Variants in TRIM24 observed in about 807,000 individuals in gnomAD.
TRIM24 encodes tripartite motif containing 24.
TRIM24 carries 29 observed loss-of-function variants against 123.9 expected under a neutral mutation model. The observed-to-expected ratio is 0.23, with a 90% CI of 0.17 to 0.32. The LOEUF is 0.32. Ranked by LOEUF, TRIM24 falls within the 10% of genes least tolerant of loss-of-function variation. The probability of loss-of-function intolerance (pLI) is 1.00; values close to 1 mark genes in which losing one functional copy is unlikely to be tolerated. For missense variants in TRIM24, 932 were observed against 1,295.3 expected, an observed-to-expected ratio of 0.72 and a Z score of 4.31; for synonymous variants, 456 against 461.1, an observed-to-expected ratio of 0.99 and a Z score of 0.14.
In TRIM24 at chr7:138,460,574, T is replaced by TGGCGGCGGC; in HGVS notation, c.30_38dup (p.Ala13_Ala15dup). 1.5e-6 allele frequency: 2 copies of TGGCGGCGGC among 1,314,010 alleles called. No individual in the cohort carries two copies. The highest frequency in any genetic ancestry group is 1.9e-6 in the Non-Finnish European group (2 of 1,042,098). The allele number at this position is 1,314,010 out of a possible 1,614,324, so 81.4% of individuals were successfully genotyped here. A position where few individuals can be genotyped will look rare whatever the true frequency, so the allele number is the denominator to read the frequency against. On this transcript the variant is annotated inframe_insertion, in exon 1 of 19. Transcript: ENST00000343526. ...ATGGAGGTGGCGGTGGAGAAGGCGG[T>TGGCGGCGGC]GGCGGCGGCGGCAGCGGCCTCGGCT... is the stretch of plus-strand genomic sequence containing the variant.
At chr7:138,509,226 A>G (rs113476204) in intron 2 of TRIM24, among the ~76,000 whole-genome samples, 3,221 of 151,696 alleles carry the variant, frequency 0.021, 95 homozygotes, top group African/African-American at 0.071. Flanking sequence ...TGGGATTACA[A>G]GTGTGAGCCA....
intron 9 of TRIM24, among the ~76,000 whole-genome samples, chr7:138,561,106 G>T (rs1328812944): frequency 6.6e-6 from 1 of 152,158 alleles, no homozygotes. Context: ...TTTGGAGTCA[G>T]TATAAACATT....
chr7:138,529,340 A>AT (rs1007156900), intron 6 of TRIM24, 110 bp downstream of exon 6: 644 of 569,232 alleles, frequency 1.1e-3, no homozygotes, highest in Non-Finnish European at 1.4e-3. Flanking sequence ...GTGATTTAAT[A>AT]TTTTTTTTTC....
chr7:138,541,252 C>A (rs1035887284), intron 7 of TRIM24, among the ~76,000 whole-genome samples: 4 of 151,884 alleles, frequency 2.6e-5, no homozygotes, highest in African/African-American at 9.7e-5. Flanking sequence ...AGTTCGAGAC[C>A]ACCCTGCGCC....
chr7:138,462,761 C>T (rs1795031333), intron 1 of TRIM24, among the ~76,000 whole-genome samples: 2 of 152,202 alleles, frequency 1.3e-5, no homozygotes, highest in East Asian at 1.9e-4. Context: ...TATTTGTTAG[C>T]TTGCAGGTTG....
chr7:138,545,067 G>T (rs756995666), intron 7 of TRIM24, among the ~76,000 whole-genome samples: 1 of 152,206 alleles, frequency 6.6e-6, no homozygotes, highest in African/African-American at 2.4e-5. Context: ...CAGGCTATGT[G>T]TGTTGAGTAT....
chr7:138,548,072 G>C (rs997917166), intron 7 of TRIM24, among the ~76,000 whole-genome samples: 1 of 152,270 alleles, frequency 6.6e-6, no homozygotes, highest in East Asian at 1.9e-4. Flanking sequence ...TTGAGATGGA[G>C]CAGGTTATAG....
chr7:138,536,298 T>G (rs1796872241), intron 6 of TRIM24, among the ~76,000 whole-genome samples: 1 of 152,224 alleles, frequency 6.6e-6, no homozygotes, highest in East Asian at 1.9e-4. Flanking sequence ...CGCTCTGATT[T>G]TTAGAATTTT....
At chr7:138,502,958 C>T (rs1357092851) in intron 1 of TRIM24, among the ~76,000 whole-genome samples, 1 of 152,024 alleles carries the variant, frequency 6.6e-6, no homozygotes, top group African/African-American at 2.4e-5. Context: ...CAAAGATATT[C>T]TCTTACATTT....
chr7:138,506,945 A>G (rs1796163762), intron 2 of TRIM24, among the ~76,000 whole-genome samples: 1 of 152,172 alleles, frequency 6.6e-6, no homozygotes, highest in Admixed American at 6.5e-5. Flanking sequence ...TACCACCCAG[A>G]GAGAACTTGA....
At chr7:138,531,167 CACA>C (rs1392206974) in intron 6 of TRIM24, among the ~76,000 whole-genome samples, 3 of 137,466 alleles carry the variant, frequency 2.2e-5, no homozygotes, top group African/African-American at 9.1e-5. Flanking sequence ...GGTACATGTG[CACA>C]ACGTGCACAT....
chr7:138,460,442 T>C lies in TRIM24; in HGVS notation c.-107T>C. 1.7e-6 allele frequency: 2 copies of C among 1,158,452 alleles called. No homozygotes were observed. Among genetic ancestry groups the C allele is most frequent in the Non-Finnish European group, 1.1e-6 (1 of 919,550 alleles). 71.8% of individuals were successfully genotyped at this position (1,158,452 alleles called of 1,614,324 possible). Reference sequence around the variant, plus strand: ...CCTCCCTCGCTGGCGCTGCCGCGAGTCCACCGAGCGGCCTCTGAGGAGCAG... The same window carrying C: ...CCTCCCTCGCTGGCGCTGCCGCGAGCCCACCGAGCGGCCTCTGAGGAGCAG... On this transcript the variant is annotated 5_prime_UTR_variant, in exon 1 of 19. Transcript: ENST00000343526.
intron 2 of TRIM24, among the ~76,000 whole-genome samples, chr7:138,508,700 C>CGCGG (rs1182276337): frequency 5.6e-5 from 2 of 35,510 alleles, no homozygotes; most frequent in African/African-American, 1.5e-4. Context: ...TGTGCGCGCG[C>CGCGG]GTGTGTGCGT....
At chr7:138,466,135 C>G (rs979807712) in intron 1 of TRIM24, among the ~76,000 whole-genome samples, 7 of 152,158 alleles carry the variant, frequency 4.6e-5, no homozygotes, top group African/African-American at 1.7e-4. Flanking sequence ...TCCCAAGCAG[C>G]TGGGATTACA....
At chr7:138,537,379 G>GTTTTTTGTT (rs1796906333) in intron 6 of TRIM24, among the ~76,000 whole-genome samples, 1 of 56,642 alleles carries the variant, frequency 1.8e-5, no homozygotes, top group Non-Finnish European at 3.1e-5. Context: ...ACCCCTGTTT[G>GTTTTTTGTT]TTTTTTTTTT....
intron 17 of TRIM24, among the ~76,000 whole-genome samples, chr7:138,583,597 G>GT (rs1797951627): frequency 6.6e-6 from 1 of 152,190 alleles, no homozygotes; most frequent in Non-Finnish European, 1.5e-5. Flanking sequence ...TCCAGCCTGG[G>GT]TGACAGAGCA....
intron 7 of TRIM24, among the ~76,000 whole-genome samples, chr7:138,546,846 T>C (rs1797111727): frequency 6.6e-6 from 1 of 152,226 alleles, no homozygotes; most frequent in Non-Finnish European, 1.5e-5. Context: ...GGTGAGAATG[T>C]AAATTAGTAC....
intron 2 of TRIM24, among the ~76,000 whole-genome samples, chr7:138,508,070 A>G (rs970088414): frequency 2.6e-5 from 4 of 152,208 alleles, no homozygotes; most frequent in African/African-American, 7.2e-5. Flanking sequence ...CAAGGCCTAC[A>G]CAGTACATTT....
In TRIM24 at chr7:138,468,560, C is replaced by CT. The variant is rs560191411; in HGVS notation, c.364+7654dup. On this transcript the variant is annotated intron_variant, in intron 1 of 18. Transcript: ENST00000343526. ...TCGTAGATAGCGTATAGTTGTCTTA[C>CT]TTTTTTATCCCAGCTTTTAATTTTT... 2.3e-3 allele frequency among the ~76,000 whole-genome samples: 342 copies of CT among 151,984 alleles called. 2 individuals are homozygous for CT. The highest frequency in any genetic ancestry group is 7.6e-3 in the African/African-American group (317 of 41,444).
Sources: allele counts gnomAD v4.1 joint callset (sites outside exome capture counted in the v4.1 genomes callset), GRCh38; gene constraint gnomAD v4.1.1; transcripts MANE v1.5; gene names NCBI Gene and HGNC (gene_info 2026-07-23, HGNC 2026-07-21).